The following CFAP210 variants were observed in gnomAD, a reference collection of about 807,000 sequenced individuals.
CFAP210 encodes cilia and flagella associated protein 210.
At chr2:169,654,593 T>TGTAA in the CFAP210 span, among the ~76,000 whole-genome samples, 2 of 152,154 alleles carry the variant, frequency 1.3e-5, no homozygotes, top group African/African-American at 4.8e-5. Context: ...CACAAATACA[T>TGTAA]GTAAGTACAA....
At chr2:169,679,846 C>T in the CFAP210 span, among the ~76,000 whole-genome samples, 1 of 151,962 alleles carries the variant, frequency 6.6e-6, no homozygotes, top group African/African-American at 2.4e-5. Flanking sequence ...ATCTTTGTGA[C>T]ATTAGATTAG....
At chr2:169,678,838 A>T in the CFAP210 span, among the ~76,000 whole-genome samples, 1 of 151,988 alleles carries the variant, frequency 6.6e-6, no homozygotes, top group Non-Finnish European at 1.5e-5. Flanking sequence ...AAAAATAAAA[A>T]TAAAATAAAA....
the CFAP210 span, among the ~76,000 whole-genome samples, chr2:169,656,321 G>T: frequency 2.0e-5 from 3 of 151,280 alleles, no homozygotes; most frequent in Admixed American, 2.0e-4. Flanking sequence ...AGAGGAAGAA[G>T]AAGAAGGAGG....
chr2:169,653,419 T>C, the CFAP210 span, among the ~76,000 whole-genome samples: 7 of 151,800 alleles, frequency 4.6e-5, no homozygotes, highest in African/African-American at 7.3e-5. Context: ...TTATGGGCCA[T>C]TGTAAAGACT....
chr2:169,675,096 AG>A, the CFAP210 span: 1 of 1,219,992 alleles, frequency 8.2e-7, no homozygotes, highest in Non-Finnish European at 1.1e-6. Flanking sequence ...ATTTTACTAC[AG>A]TTTAACATAA....
the CFAP210 span, chr2:169,649,223 T>C: frequency 6.2e-7 from 1 of 1,612,548 alleles, no homozygotes; most frequent in Non-Finnish European, 8.5e-7. Flanking sequence ...TGATGTTCTT[T>C]ATCAGCTTTG....
At chr2:169,664,033 A>AG in the CFAP210 span, among the ~76,000 whole-genome samples, 1 of 151,068 alleles carries the variant, frequency 6.6e-6, no homozygotes, top group African/African-American at 2.4e-5. Context: ...TACTAAAAAA[A>AG]AAAAAAAAAA....
chr2:169,682,054 A>T, the CFAP210 span, among the ~76,000 whole-genome samples: 2 of 152,232 alleles, frequency 1.3e-5, no homozygotes, highest in Non-Finnish European at 1.5e-5. Context: ...AAGTTAAAAA[A>T]TGTCCTTATT....
At chr2:169,692,444 G>GCGCGCA in the CFAP210 span, among the ~76,000 whole-genome samples, 4,344 of 143,770 alleles carry the variant, frequency 0.03, 91 homozygotes, top group Non-Finnish European at 0.043. Flanking sequence ...ACAGGCGCAC[G>GCGCGCA]CACACACACA....
At chr2:169,675,357 C>T in the CFAP210 span, among the ~76,000 whole-genome samples, 1 of 152,152 alleles carries the variant, frequency 6.6e-6, no homozygotes, top group Non-Finnish European at 1.5e-5. Context: ...ATTTAATTAG[C>T]TCACAGTTCT....
chr2:169,655,909 A>G, the CFAP210 span, among the ~76,000 whole-genome samples: 46 of 152,244 alleles, frequency 3.0e-4, 1 homozygote, highest in Non-Finnish European at 2.9e-5. Flanking sequence ...AAAACGGCAG[A>G]AACAATTAGT....
At chr2:169,666,671 T>C in the CFAP210 span, among the ~76,000 whole-genome samples, 1 of 152,050 alleles carries the variant, frequency 6.6e-6, no homozygotes, top group Admixed American at 6.5e-5. Context: ...AAGTTTGCCA[T>C]ATTCATTGAC....
the CFAP210 span, among the ~76,000 whole-genome samples, chr2:169,676,098 A>G: frequency 6.6e-6 from 1 of 152,124 alleles, no homozygotes. Flanking sequence ...TCATATGCCA[A>G]TTATCCCAGT....
the CFAP210 span, among the ~76,000 whole-genome samples, chr2:169,657,300 G>A: frequency 6.6e-6 from 1 of 152,052 alleles, no homozygotes; most frequent in Non-Finnish European, 1.5e-5. Flanking sequence ...CAGAATAAAA[G>A]CATCAACTGA....
At chr2:169,694,228 A>C in the CFAP210 span, 3 of 1,607,650 alleles carry the variant, frequency 1.9e-6, no homozygotes, top group Non-Finnish European at 2.6e-6. Flanking sequence ...TCCAGAAACA[A>C]TCCCTGTCCC....
chr2:169,694,369 C>G, the CFAP210 span: 2 of 1,594,734 alleles, frequency 1.3e-6, no homozygotes, highest in African/African-American at 1.3e-5. Flanking sequence ...CGCCAAGCGC[C>G]GCGGACGCCA....
At chr2:169,678,212 T>C in the CFAP210 span, among the ~76,000 whole-genome samples, 5 of 151,558 alleles carry the variant, frequency 3.3e-5, no homozygotes, top group Non-Finnish European at 5.9e-5. Context: ...TGGTGGCGCA[T>C]GCCTGTAATC....
At chr2:169,677,823 A>C in the CFAP210 span, among the ~76,000 whole-genome samples, 1 of 152,202 alleles carries the variant, frequency 6.6e-6, no homozygotes, top group Non-Finnish European at 1.5e-5. Context: ...ATCTGATGGA[A>C]TCTATCAAGA....
At chr2:169,672,716 G>A in the CFAP210 span, among the ~76,000 whole-genome samples, 1 of 152,118 alleles carries the variant, frequency 6.6e-6, no homozygotes, top group African/African-American at 2.4e-5. Flanking sequence ...TAGCTGTGCC[G>A]GCAGCCGACT....
Sources: allele counts gnomAD v4.1 joint callset (sites outside exome capture counted in the v4.1 genomes callset), GRCh38; gene constraint gnomAD v4.1.1; transcripts MANE v1.5; gene names NCBI Gene and HGNC (gene_info 2026-07-23, HGNC 2026-07-21).